Variants in BAZ2B observed in about 807,000 individuals in gnomAD.
BAZ2B encodes the protein bromodomain adjacent to zinc finger domain protein 2B.
A neutral mutation model predicts 246.0 loss-of-function variants in BAZ2B; 91 were observed. That is an observed-to-expected ratio of 0.37 (90% CI 0.31 to 0.44). The LOEUF (loss-of-function observed/expected upper bound fraction) is 0.44. BAZ2B is among the 20% of genes least tolerant of loss of function. BAZ2B has a pLI of 1.00. For missense variants in BAZ2B, 2,332 were observed against 2,533.7 expected (o/e 0.92, Z 1.71); for synonymous variants, 855 against 860.0 (o/e 0.99, Z 0.10).
intron 25 of BAZ2B, among the ~76,000 whole-genome samples, chr2:159,376,092 G>C (rs1037662948): frequency 2.0e-5 from 3 of 152,060 alleles, no homozygotes; most frequent in Non-Finnish European, 4.4e-5. Flanking sequence ...GAAGGTACAC[G>C]GGTTTCTTTG....
chr2:159,557,689 T>C (rs531410668), intron 1 of BAZ2B, among the ~76,000 whole-genome samples: 1 of 152,316 alleles, frequency 6.6e-6, no homozygotes, highest in South Asian at 2.1e-4. Flanking sequence ...GGAAGATCAC[T>C]GGAGCACAAG....
chr2:159,475,347 G>A (rs11690141), intron 3 of BAZ2B, among the ~76,000 whole-genome samples: 120,772 of 152,142 alleles, frequency 0.79, 48,416 homozygotes, highest in Non-Finnish European at 0.86. Flanking sequence ...TGATTCGGCT[G>A]TTGATACTTG....
At chr2:159,349,664 T>C in intron 28 of BAZ2B, 44 bp downstream of exon 28, 1 of 1,520,284 alleles carries the variant, frequency 6.6e-7, no homozygotes, top group Non-Finnish European at 8.9e-7. Flanking sequence ...GGTCAAAGAT[T>C]ACATAAAGCA....
Position 159,432,905 on chromosome 2 carries a change from T to C in BAZ2B, c.1752A>G (p.Ala584=). 1.9e-6 allele frequency: 3 copies of C among 1,614,184 alleles called. No individual in the cohort carries two copies. The highest frequency in any genetic ancestry group is 2.5e-6 in the Non-Finnish European group (3 of 1,180,008). Residue 584 remains alanine, a synonymous_variant, in exon 9 of 37, where the codon GCA becomes GCG. Coordinates refer to ENST00000392783, the MANE Select transcript of BAZ2B (RefSeq NM_013450.4). ...CTCTGAATTGTTCCACTAAAGATTT[T>C]GCAGGATGGGAGTGATGCTGTGTTT... is the stretch of plus-strand genomic sequence containing the variant. ...PVKTQHHSHP[A]KSLVEQFRGT... is the part of the protein sequence containing the mutation.
chr2:159,681,629 C>A, the BAZ2B span, among the ~76,000 whole-genome samples: 2 of 152,102 alleles, frequency 1.3e-5, no homozygotes, highest in African/African-American at 4.8e-5. Flanking sequence ...AGTTGTTACA[C>A]CCAAATTAAG....
At chr2:159,408,042 C>G (rs892218302) in intron 14 of BAZ2B, among the ~76,000 whole-genome samples, 1 of 152,062 alleles carries the variant, frequency 6.6e-6, no homozygotes, top group Non-Finnish European at 1.5e-5. Flanking sequence ...GGCATAAGTA[C>G]GATCTTTTGC....
chr2:159,545,521 CTG>C (rs908666514), intron 2 of BAZ2B, among the ~76,000 whole-genome samples: 2 of 152,054 alleles, frequency 1.3e-5, no homozygotes, highest in African/African-American at 4.8e-5. Flanking sequence ...TACTATCTCT[CTG>C]TTTTCTATAC....
At chr2:159,691,040 T>C in the BAZ2B span, among the ~76,000 whole-genome samples, 1 of 152,308 alleles carries the variant, frequency 6.6e-6, no homozygotes, top group African/African-American at 2.4e-5. Flanking sequence ...TACATATACC[T>C]ATACATCAAA....
intron 27 of BAZ2B, among the ~76,000 whole-genome samples, chr2:159,355,462 T>C (rs2059006299): frequency 6.6e-6 from 1 of 152,140 alleles, no homozygotes; most frequent in Admixed American, 6.5e-5. Context: ...TTTAAGATGA[T>C]AACATAAAAC....
chr2:159,485,331 C>G (rs975676514), intron 2 of BAZ2B, among the ~76,000 whole-genome samples: 2 of 151,854 alleles, frequency 1.3e-5, no homozygotes, highest in Non-Finnish European at 2.9e-5. Flanking sequence ...AGACAGCAGA[C>G]AAAATTATTC....
rs763613970 is a variant in BAZ2B at position 159,324,840 on chromosome 2, G to A, written c.6324C>T (p.Ser2108=). 2.0e-6 allele frequency: 3 copies of A among 1,521,412 alleles called. No individual in the cohort carries two copies. The highest frequency in any genetic ancestry group is 2.7e-5 in the South Asian group (2 of 75,106). 94.2% of individuals were successfully genotyped at this position (1,521,412 alleles called of 1,614,324 possible). A position where few individuals can be genotyped will look rare whatever the true frequency, so the allele number is the denominator to read the frequency against. The change falls in exon 36 of 37, where the codon TCC becomes TCT. Residue 2108 remains serine, a synonymous_variant. Coordinates refer to ENST00000392783, the MANE Select transcript of BAZ2B (RefSeq NM_013450.4). ...KKVIKKPMDF[S]TIREKLSSGQ... ...CACTACTTAGTTTCTCTCTAATTGT[G>A]GAAAAATCCATAGGCTTCTTAATAA... is the stretch of plus-strand genomic sequence containing the variant.
At chr2:159,441,052 G>C (rs1409240811) in intron 6 of BAZ2B, among the ~76,000 whole-genome samples, 1 of 152,094 alleles carries the variant, frequency 6.6e-6, no homozygotes, top group Non-Finnish European at 1.5e-5. Context: ...CCATTTATTT[G>C]TCAAAGAAAC....
At chr2:159,631,513 T>G in the BAZ2B span, among the ~76,000 whole-genome samples, 1 of 152,218 alleles carries the variant, frequency 6.6e-6, no homozygotes, top group Non-Finnish European at 1.5e-5. Flanking sequence ...AAAAATGAGC[T>G]TAGAATACCC....
chr2:159,335,282 C>T (rs1298752421), intron 33 of BAZ2B, among the ~76,000 whole-genome samples: 1 of 152,088 alleles, frequency 6.6e-6, no homozygotes, highest in Non-Finnish European at 1.5e-5. Flanking sequence ...TGCGGTGGCT[C>T]ATGCTTGTAA....
At chr2:159,621,365 C>T (rs576740291), upstream of BAZ2B, among the ~76,000 whole-genome samples, 100 of 152,150 alleles carry the variant, frequency 6.6e-4, no homozygotes, top group Non-Finnish European at 9.7e-4. Flanking sequence ...ACTCTAAAGA[C>T]GCTTCTGATA....
chr2:159,692,737 C>T, the BAZ2B span, among the ~76,000 whole-genome samples: 3 of 152,196 alleles, frequency 2.0e-5, no homozygotes, highest in Non-Finnish European at 4.4e-5. Flanking sequence ...TGGACCTGTG[C>T]AGTTCAAACT....
At chr2:159,606,437 A>T (rs1284314793) in intron 1 of BAZ2B, among the ~76,000 whole-genome samples, 1 of 152,212 alleles carries the variant, frequency 6.6e-6, no homozygotes, top group Non-Finnish European at 1.5e-5. Flanking sequence ...CAAATGTTGA[A>T]GATAGGTTTT....
At chr2:159,398,024 A>G (rs1259228096) in intron 18 of BAZ2B, 1 of 152,238 alleles carries the variant, frequency 6.6e-6, no homozygotes, top group Non-Finnish European at 1.5e-5. Flanking sequence ...TGAAGTTACA[A>G]TATGGATGAA....
At chr2:159,378,250 C>G (rs4664283) in intron 25 of BAZ2B, among the ~76,000 whole-genome samples, 100,866 of 152,034 alleles carry the variant, frequency 0.66, 35,646 homozygotes, top group Non-Finnish European at 0.81. Context: ...AATTATATAC[C>G]CTTCATATTA....
Sources: allele counts gnomAD v4.1 joint callset (sites outside exome capture counted in the v4.1 genomes callset), GRCh38; gene constraint gnomAD v4.1.1; transcripts MANE v1.5; gene names NCBI Gene and HGNC (gene_info 2026-07-23, HGNC 2026-07-21).